Variants in NBEA observed in about 807,000 individuals in gnomAD.
NBEA encodes the protein lysosomal-trafficking regulator 2.
A neutral mutation model predicts 343.4 loss-of-function variants in NBEA; 44 were observed. The observed-to-expected ratio is 0.13, with a 90% CI of 0.10 to 0.16. The LOEUF (loss-of-function observed/expected upper bound fraction) is 0.16, where lower values mean the gene tolerates loss of function less well. Among genes scored for constraint, NBEA ranks in the 10% least tolerant of loss-of-function variants. The pLI, the probability that NBEA is intolerant of heterozygous loss-of-function variation, is 1.00. For synonymous variants in NBEA, 1,175 were observed against 1,238.7 expected (o/e 0.95, Z 1.08); for missense variants, 2,555 against 3,631.3 (o/e 0.70, Z 7.62).
At chr13:35,649,056 T>C (rs1593467603) in intron 51 of NBEA, among the ~76,000 whole-genome samples, 1 of 152,120 alleles carries the variant, frequency 6.6e-6, no homozygotes, top group African/African-American at 2.4e-5. Flanking sequence ...GAAAAAGCAT[T>C]GGCCCTCCAT....
chr13:35,360,121 G>A (rs899046251), intron 38 of NBEA, among the ~76,000 whole-genome samples: 8 of 151,886 alleles, frequency 5.3e-5, no homozygotes, highest in African/African-American at 1.9e-4. Flanking sequence ...TTTGAGTCTA[G>A]GTTGATCTGA....
rs761878567 is a variant in NBEA at position 35,050,316 on chromosome 13, A to G, written c.893A>G (p.Asn298Ser). 12 of 1,609,080 alleles carry G rather than the reference A, an allele frequency of 7.5e-6. No individual in the cohort carries two copies. Among genetic ancestry groups the G allele is most frequent in the East Asian group, 2.2e-5 (1 of 44,686 alleles). Residue 298 changes from asparagine to serine, a missense_variant, in exon 6 of 59, where the codon AAC becomes AGC. Physicochemically the swap from Asn to Ser is conservative, Grantham distance 46. Transcript: ENST00000379939. The stretch of plus-strand genomic sequence containing the variant: ...GGTTACTCTGCTCATTTTGTTGGCA[A>G]CTGTTTAATAGTCACATCATTGAAG... ...GVGYSAHFVG[N>S]CLIVTSLKSK...
At chr13:35,238,805 A>C (rs2075353534) in intron 34 of NBEA, among the ~76,000 whole-genome samples, 1 of 152,184 alleles carries the variant, frequency 6.6e-6, no homozygotes, top group African/African-American at 2.4e-5. Context: ...TATTAAAATC[A>C]TATAATACTC....
Position 35,118,303 on chromosome 13 carries a change from A to G in NBEA, c.2145+13A>G, listed in dbSNP as rs1254140464. The G allele has an allele frequency of 1.3e-6, 2 of 1,564,832 alleles. No individual in the cohort carries two copies. The highest frequency in any genetic ancestry group is 1.9e-5 in the Admixed American group (1 of 53,824). ...TACGATGCATGAGGTAGGACATGTTATGGGCCTTTTATTTTAATTATTTAA... is the reference window on the plus strand; with the variant it reads ...TACGATGCATGAGGTAGGACATGTTGTGGGCCTTTTATTTTAATTATTTAA... On this transcript the variant is annotated intron_variant, in intron 15 of 58. Coordinates refer to ENST00000379939, the MANE Select transcript of NBEA (RefSeq NM_001385012.1).
At chr13:34,989,111 A>G (rs1861258490) in intron 1 of NBEA, among the ~76,000 whole-genome samples, 1 of 150,790 alleles carries the variant, frequency 6.6e-6, no homozygotes, top group Admixed American at 6.6e-5. Context: ...CTGCATTATT[A>G]TTTTAATGAT....
intron 35 of NBEA, among the ~76,000 whole-genome samples, chr13:35,304,245 A>G (rs577291410): frequency 1.3e-5 from 2 of 152,264 alleles, no homozygotes; most frequent in East Asian, 3.9e-4. Context: ...CTTCTGAGAA[A>G]GGAGTTGAAC....
rs1225264003 is a variant in NBEA, at chr13:35,154,101, G to C, written c.2446-1673G>C. Reference sequence around the variant, plus strand: ...TTCATCAGAGGTATGAGAATGAGGGGAACGGGGGTAATTAAATGCTATATT... The same window carrying C: ...TTCATCAGAGGTATGAGAATGAGGGCAACGGGGGTAATTAAATGCTATATT... On this transcript the variant is annotated intron_variant, in intron 18 of 58. Transcript: ENST00000379939. 2.0e-5 allele frequency among the ~76,000 whole-genome samples: 3 copies of C among 152,086 alleles called. No homozygotes were observed. In the East Asian group the frequency reaches 5.8e-4, roughly 29 times the overall value.
chr13:35,049,141 A>T (rs1224822918), intron 5 of NBEA, among the ~76,000 whole-genome samples: 1 of 151,930 alleles, frequency 6.6e-6, no homozygotes, highest in African/African-American at 2.4e-5. Context: ...TTTGGTGTAG[A>T]CAACTAGAAT....
Position 35,579,151 on chromosome 13 carries a change from G to A in NBEA, c.7036-4747G>A, listed in dbSNP as rs551388337. Among the ~76,000 whole-genome samples the A allele has an allele frequency of 5.3e-5, 8 of 152,162 alleles. No homozygotes were observed. In the South Asian group the frequency reaches 1.7e-3, roughly 32 times the overall value. The stretch of plus-strand genomic sequence containing the variant: ...ATTTTCAGTTTTTTATGATATATTA[G>A]AATTCAGTGTTATTGACATTGCTTT... On this transcript the variant is annotated intron_variant, in intron 45 of 58. Coordinates refer to ENST00000379939, the MANE Select transcript of NBEA (RefSeq NM_001385012.1).
chr13:35,151,162 T>C (rs1277493688), intron 18 of NBEA, among the ~76,000 whole-genome samples: 1 of 151,914 alleles, frequency 6.6e-6, no homozygotes, highest in Non-Finnish European at 1.5e-5. Flanking sequence ...ATAATTTTTT[T>C]GAAGTCTTAT....
At chr13:35,240,274 G>C (rs1238631649) in intron 34 of NBEA, among the ~76,000 whole-genome samples, 1 of 151,814 alleles carries the variant, frequency 6.6e-6, no homozygotes, top group African/African-American at 2.4e-5. Flanking sequence ...TGAAGTTATT[G>C]AGGGGGGATG....
At chr13:35,160,332 G>A (rs965333297) in intron 22 of NBEA, among the ~76,000 whole-genome samples, 2 of 152,054 alleles carry the variant, frequency 1.3e-5, no homozygotes, top group African/African-American at 4.8e-5. Context: ...GTCTCTGCCA[G>A]TTCTAACATT....
chr13:35,038,409 C>G (rs1395209176), intron 1 of NBEA, among the ~76,000 whole-genome samples: 1 of 152,108 alleles, frequency 6.6e-6, no homozygotes, highest in African/African-American at 2.4e-5. Flanking sequence ...CCCCTTTACT[C>G]TTCTGTTTTT....
At chr13:35,256,839 T>C (rs1160991205) in intron 34 of NBEA, among the ~76,000 whole-genome samples, 1 of 152,134 alleles carries the variant, frequency 6.6e-6, no homozygotes, top group Non-Finnish European at 1.5e-5. Flanking sequence ...AGCAAACACT[T>C]TCAAGCCTGT....
intron 44 of NBEA, among the ~76,000 whole-genome samples, chr13:35,562,478 A>AT (rs1455938065): frequency 1.3e-5 from 2 of 151,872 alleles, no homozygotes; most frequent in African/African-American, 4.8e-5. Context: ...AAACTTGAGA[A>AT]TTTTTTTTAA....
At chr13:35,613,015 A>G (rs2082590697) in intron 48 of NBEA, among the ~76,000 whole-genome samples, 1 of 151,440 alleles carries the variant, frequency 6.6e-6, no homozygotes, top group Non-Finnish European at 1.5e-5. Flanking sequence ...AATAGTTAGC[A>G]TATCCATCAC....
intron 10 of NBEA, among the ~76,000 whole-genome samples, chr13:35,071,116 T>C (rs554839416): frequency 1.1e-3 from 165 of 152,148 alleles, no homozygotes; most frequent in Admixed American, 3.5e-3. Context: ...GATTATAATA[T>C]GTAGTTGAGG....
intron 35 of NBEA, among the ~76,000 whole-genome samples, chr13:35,302,407 A>T (rs1312201625): frequency 6.6e-6 from 1 of 152,216 alleles, no homozygotes; most frequent in Non-Finnish European, 1.5e-5. Context: ...TCATGTAGTT[A>T]ACAGACATTG....
At chr13:35,590,965 A>G (rs1242077151) in intron 46 of NBEA, among the ~76,000 whole-genome samples, 1 of 152,116 alleles carries the variant, frequency 6.6e-6, no homozygotes, top group Non-Finnish European at 1.5e-5. Flanking sequence ...GGCTGGGGAT[A>G]GAGAGATAAA....
Sources: gnomAD v4.1 joint callset for allele counts (sites outside exome capture counted in the v4.1 genomes callset) on GRCh38, gnomAD v4.1.1 for gene constraint, MANE v1.5 for transcripts, NCBI Gene and HGNC (gene_info 2026-07-23, HGNC 2026-07-21) for gene names.